CNTN5: variants seen among roughly 807,000 people sequenced by gnomAD.
CNTN5 encodes the protein contactin-5.
A neutral mutation model predicts 129.1 loss-of-function variants in CNTN5; 77 were observed. The observed-to-expected ratio is 0.60, with a 90% CI of 0.50 to 0.72. The LOEUF (loss-of-function observed/expected upper bound fraction) is 0.72, where lower values mean the gene tolerates loss of function less well. Among genes scored for constraint, CNTN5 ranks in the 30% least tolerant of loss-of-function variants. The pLI is 0.00. For synonymous variants in CNTN5, 509 were observed against 465.6 expected, an observed-to-expected ratio of 1.09 and a Z score of -1.20; for missense variants, 1,478 against 1,328.8, an observed-to-expected ratio of 1.11 and a Z score of -1.75.
At chr11:100,127,387 G>T (rs1946224395) in intron 13 of CNTN5, among the ~76,000 whole-genome samples, 1 of 151,834 alleles carries the variant, frequency 6.6e-6, no homozygotes, top group African/African-American at 2.4e-5. Flanking sequence ...CCTGCTTCAT[G>T]TTCCCCTGGT....
At chr11:100,250,717 A>C (rs1769183974) in intron 16 of CNTN5, among the ~76,000 whole-genome samples, 1 of 152,150 alleles carries the variant, frequency 6.6e-6, no homozygotes, top group Non-Finnish European at 1.5e-5. Context: ...AAGAGGATTT[A>C]TTATGTTGTA....
rs185955823 is a variant in CNTN5 at position 100,274,358 on chromosome 11, A to T, written c.2314+3117A>T. Among the ~76,000 whole-genome samples, 120 of 152,348 alleles carry T rather than the reference A, an allele frequency of 7.9e-4. 1 individual carries two copies. In the East Asian group the frequency reaches 0.014, roughly 18 times the overall value. On this transcript the variant is annotated intron_variant, in intron 18 of 24. Coordinates refer to ENST00000524871, the MANE Select transcript of CNTN5 (RefSeq NM_014361.4). ...TGACAAAAGCAATTACAACAAAAAC[A>T]AAAATTGACAAATGGGTTCTAATTA...
chr11:99,075,063 C>T lies in CNTN5; in HGVS notation c.-210+53793C>T, dbSNP rs112846612. On this transcript the variant is annotated intron_variant, in intron 1 of 24. Coordinates refer to ENST00000524871, the MANE Select transcript of CNTN5 (RefSeq NM_014361.4). ...ACACTCATATAAAAACAGAAGAATGCCTAGAATTGGTTATAAATTCTGCAC... is the reference window on the plus strand; with the variant it reads ...ACACTCATATAAAAACAGAAGAATGTCTAGAATTGGTTATAAATTCTGCAC... 3.6e-4 allele frequency among the ~76,000 whole-genome samples: 55 copies of T among 152,228 alleles called. 1 individual carries two copies. The highest frequency in any genetic ancestry group is 1.3e-3 in the African/African-American group (52 of 41,570).
intron 3 of CNTN5, among the ~76,000 whole-genome samples, chr11:99,713,091 C>T (rs998540312): frequency 5.3e-5 from 8 of 152,020 alleles, no homozygotes; most frequent in South Asian, 4.1e-4. Flanking sequence ...GCCATTTTCA[C>T]GGTATTACTT....
chr11:99,797,596 A>C (rs1293591429), intron 3 of CNTN5, among the ~76,000 whole-genome samples: 1 of 152,020 alleles, frequency 6.6e-6, no homozygotes, highest in Non-Finnish European at 1.5e-5. Context: ...GTGTCTGTTC[A>C]TGTCCTTTGC....
chr11:99,524,533 C>T (rs1010411404), intron 2 of CNTN5, among the ~76,000 whole-genome samples: 1 of 151,902 alleles, frequency 6.6e-6, no homozygotes, highest in Non-Finnish European at 1.5e-5. Context: ...ACTTATAGGC[C>T]GAGAGCAGTG....
intron 8 of CNTN5, among the ~76,000 whole-genome samples, chr11:99,959,327 G>C (rs182732531): frequency 1.3e-5 from 2 of 152,222 alleles, no homozygotes; most frequent in African/African-American, 4.8e-5. Context: ...GCTTTCCTTA[G>C]ACTGGATTGC....
In CNTN5 at chr11:99,350,808, C is replaced by T. The variant is rs150774850; in HGVS notation, c.-71+25324C>T. On this transcript the variant is annotated intron_variant, in intron 2 of 24. Transcript: ENST00000524871. Reference sequence around the variant, plus strand: ...GAATAGTGGCAATCTCTGAGGATTTCGGTAGGGGATGATTGAGAAGATGTG... The same window carrying T: ...GAATAGTGGCAATCTCTGAGGATTTTGGTAGGGGATGATTGAGAAGATGTG... Among the ~76,000 whole-genome samples the T allele has an allele frequency of 1.6e-3, 250 of 151,912 alleles. 1 individual carries two copies. Among genetic ancestry groups the T allele is most frequent in the African/African-American group, 5.7e-3 (238 of 41,448 alleles).
rs66468227 is a variant in CNTN5, at chr11:100,127,651, C to CTTTTTTT, written c.1580+53375_1580+53381dup. On this transcript the variant is annotated intron_variant, in intron 13 of 24. Coordinates refer to ENST00000524871, the MANE Select transcript of CNTN5 (RefSeq NM_014361.4). ...ACAGACTTTCTGACTTTCTTTCTTT[C>CTTTTTTT]TTTTTTTTTTTTTTTTTTTTTTTTG... Among the ~76,000 whole-genome samples, 352 of 81,274 alleles carry CTTTTTTT rather than the reference C, an allele frequency of 4.3e-3. 8 individuals are homozygous for CTTTTTTT. The highest frequency in any genetic ancestry group is 0.011 in the African/African-American group (226 of 19,988). The allele number at this position is 81,274 out of a possible 152,430, so 53.3% of individuals were successfully genotyped here.
chr11:100,231,753 T>C (rs1019612918), intron 16 of CNTN5, among the ~76,000 whole-genome samples: 3 of 152,234 alleles, frequency 2.0e-5, no homozygotes, highest in Admixed American at 2.0e-4. Context: ...TTCTATTCTA[T>C]TCTAAGCAAA....
At chr11:99,363,781 T>C (rs568208228) in intron 2 of CNTN5, among the ~76,000 whole-genome samples, 56 of 152,232 alleles carry the variant, frequency 3.7e-4, no homozygotes, top group African/African-American at 1.3e-3. Flanking sequence ...GAACAAATAA[T>C]AAGTTTCATT....
At chr11:100,175,217 G>C (rs1421555) in intron 13 of CNTN5, among the ~76,000 whole-genome samples, 1 of 151,782 alleles carries the variant, frequency 6.6e-6, no homozygotes, top group Non-Finnish European at 1.5e-5. Context: ...GTACAAATTT[G>C]GGAATCCAGC....
At chr11:99,718,281 T>C (rs1943052076) in intron 3 of CNTN5, among the ~76,000 whole-genome samples, 1 of 152,190 alleles carries the variant, frequency 6.6e-6, no homozygotes, top group Non-Finnish European at 1.5e-5. Flanking sequence ...GACACTGTTC[T>C]TTGCACAGTG....
intron 7 of CNTN5, among the ~76,000 whole-genome samples, chr11:99,947,400 T>C (rs2136134530): frequency 6.6e-6 from 1 of 151,758 alleles, no homozygotes; most frequent in South Asian, 2.1e-4. Flanking sequence ...ATGTAGAAAA[T>C]AAACCATTTC....
chr11:99,703,491 C>G (rs957807715), intron 3 of CNTN5, among the ~76,000 whole-genome samples: 6 of 150,516 alleles, frequency 4.0e-5, no homozygotes, highest in Non-Finnish European at 9.0e-5. Flanking sequence ...TTAGTATCTC[C>G]TAAGCACTGA....
intron 4 of CNTN5, among the ~76,000 whole-genome samples, chr11:99,838,299 G>T (rs1249254436): frequency 6.6e-6 from 1 of 152,046 alleles, no homozygotes; most frequent in Non-Finnish European, 1.5e-5. Context: ...AAAGCTTATG[G>T]CCCTATGATA....
chr11:99,697,371 A>G (rs1954317641), intron 3 of CNTN5, among the ~76,000 whole-genome samples: 1 of 151,652 alleles, frequency 6.6e-6, no homozygotes, highest in South Asian at 2.1e-4. Context: ...GGTCATCATC[A>G]ACAGTGATAA....
intron 3 of CNTN5, among the ~76,000 whole-genome samples, chr11:99,669,189 G>T (rs756929632): frequency 1.1e-4 from 17 of 152,002 alleles, no homozygotes; most frequent in Non-Finnish European, 2.2e-4. Flanking sequence ...GTCAGTGAAG[G>T]TAGACATATG....
intron 1 of CNTN5, among the ~76,000 whole-genome samples, chr11:99,165,164 T>G (rs1157636140): frequency 1.3e-5 from 2 of 152,222 alleles, no homozygotes; most frequent in Non-Finnish European, 2.9e-5. Context: ...TTAATGAGGT[T>G]GTAAATCTGA....
Sources: gnomAD v4.1 joint callset for allele counts (sites outside exome capture counted in the v4.1 genomes callset) on GRCh38, gnomAD v4.1.1 for gene constraint, MANE v1.5 for transcripts, NCBI Gene and HGNC (gene_info 2026-07-23, HGNC 2026-07-21) for gene names.